PTPRG: variants seen among roughly 807,000 people sequenced by gnomAD.
PTPRG encodes receptor-type tyrosine-protein phosphatase gamma.
A neutral mutation model predicts 165.3 loss-of-function variants in PTPRG; 102 were observed. The ratio of observed to expected loss-of-function variants is 0.62; its 90% CI spans 0.53 to 0.73. PTPRG has a LOEUF of 0.73. Among genes scored for constraint, PTPRG ranks in the 30% least tolerant of loss-of-function variants. The pLI is 0.00. For synonymous variants in PTPRG, 675 were observed against 669.5 expected (o/e 1.01, Z -0.13); for missense variants, 1,866 against 1,861.4 (o/e 1.00, Z -0.05).
rs147582370 is a variant in PTPRG at position 62,153,180 on chromosome 3, C to T, written c.683-3887C>T. On this transcript the variant is annotated intron_variant, in intron 6 of 29. Coordinates refer to ENST00000474889, the MANE Select transcript of PTPRG (RefSeq NM_002841.4). ...TTACTCTTTGGTACTTTATAGAAAACGGTTGCTCGTTCCTAGCTTAAAACC... is the reference window on the plus strand; with the variant it reads ...TTACTCTTTGGTACTTTATAGAAAATGGTTGCTCGTTCCTAGCTTAAAACC... Among the ~76,000 whole-genome samples, 37 of 152,276 alleles carry T rather than the reference C, an allele frequency of 2.4e-4. No individual in the cohort carries two copies. In the East Asian group the frequency reaches 6.4e-3, roughly 26 times the overall value.
intron 9 of PTPRG, among the ~76,000 whole-genome samples, chr3:62,193,923 C>A (rs533161325): frequency 3.3e-4 from 50 of 152,208 alleles, no homozygotes; most frequent in African/African-American, 1.2e-3. Flanking sequence ...TTTTGTTGTT[C>A]GTTTCTTTAG....
chr3:61,608,162 C>T (rs541103500), intron 1 of PTPRG, among the ~76,000 whole-genome samples: 5 of 131,696 alleles, frequency 3.8e-5, no homozygotes, highest in African/African-American at 7.6e-5. Context: ...GATGCCTTGT[C>T]AGCATCCATT....
chr3:62,139,866 C>T (rs1396741072), intron 6 of PTPRG, among the ~76,000 whole-genome samples: 1 of 152,114 alleles, frequency 6.6e-6, no homozygotes, highest in Non-Finnish European at 1.5e-5. Flanking sequence ...CTCCAGGCCT[C>T]TAGCAAAAAA....
chr3:62,186,875 G>A (rs1008683673), intron 8 of PTPRG, among the ~76,000 whole-genome samples: 12 of 152,212 alleles, frequency 7.9e-5, no homozygotes, highest in African/African-American at 2.6e-4. Context: ...CCTTGAAGCC[G>A]GATCTTTAAG....
chr3:61,799,744 C>G (rs867947992), intron 2 of PTPRG, among the ~76,000 whole-genome samples: 7 of 152,124 alleles, frequency 4.6e-5, no homozygotes, highest in Admixed American at 2.6e-4. Context: ...GTAAGTTTGC[C>G]CCCCACCATA....
intron 1 of PTPRG, among the ~76,000 whole-genome samples, chr3:61,634,210 A>T (rs537968827): frequency 1.3e-5 from 2 of 151,650 alleles, no homozygotes; most frequent in African/African-American, 4.8e-5. Flanking sequence ...AAAAATACCC[A>T]AAGTGCCAGG....
chr3:62,184,140 G>A (rs895878375), intron 8 of PTPRG, among the ~76,000 whole-genome samples: 3 of 152,154 alleles, frequency 2.0e-5, no homozygotes, highest in Admixed American at 6.5e-5. Context: ...CCCAGCTCTC[G>A]GATTCGGTTA....
intron 1 of PTPRG, among the ~76,000 whole-genome samples, chr3:61,601,472 T>C (rs930671482): frequency 6.6e-6 from 1 of 152,192 alleles, no homozygotes; most frequent in South Asian, 2.1e-4. Context: ...TTATATCCTT[T>C]GGGTAATCTC....
rs566016124 is a variant in PTPRG at position 62,197,578 on chromosome 3, T to G, written c.1327+2408T>G. 5.3e-5 allele frequency among the ~76,000 whole-genome samples: 8 copies of G among 152,274 alleles called. No homozygotes were observed. The South Asian group carries it at 1.7e-3, about 32-fold the overall frequency. On this transcript the variant is annotated intron_variant, in intron 10 of 29. Transcript: ENST00000474889. ...CTGCAGGCCAAGGCCAGGTCTGTGC[T>G]GGCCTAGGGGAGAAGGAAGGAAGGC...
chr3:62,017,023 C>T (rs949074071), intron 4 of PTPRG, among the ~76,000 whole-genome samples: 2 of 152,136 alleles, frequency 1.3e-5, no homozygotes, highest in African/African-American at 2.4e-5. Flanking sequence ...TTAACTCCCT[C>T]CCCCTCCCTC....
At chr3:62,124,112 G>C (rs925139206) in intron 5 of PTPRG, 1 of 551,880 alleles carries the variant, frequency 1.8e-6, no homozygotes, top group African/African-American at 1.9e-5. Context: ...TCCTCCTTGT[G>C]AAATGGTTGA....
At chr3:61,724,217 C>CAAAAA (rs1260061643) in intron 1 of PTPRG, among the ~76,000 whole-genome samples, 6 of 128,756 alleles carry the variant, frequency 4.7e-5, no homozygotes, top group Non-Finnish European at 6.3e-5. Context: ...CTCCCATCTC[C>CAAAAA]AAAAAAAAAA....
chr3:62,157,778 C>T (rs909843399), intron 7 of PTPRG, among the ~76,000 whole-genome samples: 6 of 152,130 alleles, frequency 3.9e-5, no homozygotes, highest in African/African-American at 1.2e-4. Flanking sequence ...ACCCACAGTT[C>T]AGAAAAGAAA....
rs72880446 is a variant in PTPRG at position 61,808,232 on chromosome 3, G to T, written c.190+59250G>T. Among the ~76,000 whole-genome samples, 864 of 152,322 alleles carry T rather than the reference G, an allele frequency of 5.7e-3. 8 individuals carry two copies. Among genetic ancestry groups the T allele is most frequent in the African/African-American group, 0.02 (835 of 41,576 alleles). ...TTGCAGTTACTGGAAACTAAAGCCAGAAACTAGGAGAAAACCCTCCGATTT... is the reference window on the plus strand; with the variant it reads ...TTGCAGTTACTGGAAACTAAAGCCATAAACTAGGAGAAAACCCTCCGATTT... On this transcript the variant is annotated intron_variant, in intron 2 of 29. Transcript: ENST00000474889.
chr3:61,624,606 A>G lies in PTPRG; in HGVS notation c.85+62234A>G, dbSNP rs139799253. Among the ~76,000 whole-genome samples, 180 of 152,218 alleles carry G rather than the reference A, an allele frequency of 1.2e-3. 1 individual carries two copies. Among genetic ancestry groups the G allele is most frequent in the African/African-American group, 4.0e-3 (168 of 41,536 alleles). On this transcript the variant is annotated intron_variant, in intron 1 of 29. Transcript: ENST00000474889. The stretch of plus-strand genomic sequence containing the variant: ...TACCTGCAGACTTCTTGTTATATGA[A>G]AGAAAATTAACCCTTATATGTTTAA...
chr3:61,831,005 A>G (rs2036274351), intron 2 of PTPRG, among the ~76,000 whole-genome samples: 1 of 152,250 alleles, frequency 6.6e-6, no homozygotes, highest in Non-Finnish European at 1.5e-5. Context: ...AATAACAGAC[A>G]TCTGGGTTCA....
chr3:62,027,097 G>C (rs1412972165), intron 4 of PTPRG, among the ~76,000 whole-genome samples: 1 of 151,932 alleles, frequency 6.6e-6, no homozygotes, highest in African/African-American at 2.4e-5. Context: ...CCCGTGCCCT[G>C]TTTTCTTTTT....
At chr3:62,107,598 G>A (rs757095029) in intron 5 of PTPRG, among the ~76,000 whole-genome samples, 1 of 152,270 alleles carries the variant, frequency 6.6e-6, no homozygotes, top group Non-Finnish European at 1.5e-5. Flanking sequence ...TATATGGTAC[G>A]TACTATAGTG....
chr3:62,286,712 C>G (rs1470598088), intron 28 of PTPRG, among the ~76,000 whole-genome samples: 3 of 152,000 alleles, frequency 2.0e-5, no homozygotes, highest in Non-Finnish European at 4.4e-5. Flanking sequence ...TAATGGAGCC[C>G]TTAGAGGAAG....
Sources: gnomAD v4.1 joint callset for allele counts (sites outside exome capture counted in the v4.1 genomes callset) on GRCh38, gnomAD v4.1.1 for gene constraint, MANE v1.5 for transcripts, NCBI Gene and HGNC (gene_info 2026-07-23, HGNC 2026-07-21) for gene names.